Variants in GOLGA8H observed in about 807,000 individuals in gnomAD.
GOLGA8H encodes the protein golgin subfamily A member 8H.
A neutral mutation model predicts 82.7 loss-of-function variants in GOLGA8H; 47 were observed. That is an observed-to-expected ratio of 0.57 (90% CI 0.45 to 0.73). GOLGA8H has a LOEUF of 0.73. GOLGA8H is among the 30% of genes least tolerant of loss of function. The probability of loss-of-function intolerance (pLI) is 0.00; values close to 1 mark genes in which losing one functional copy is unlikely to be tolerated. For missense variants in GOLGA8H, 372 were observed against 661.0 expected (o/e 0.56, Z 4.79); for synonymous variants, 108 against 241.6 (o/e 0.45, Z 5.13).
intron 4 of GOLGA8H, chr15:30,607,767 A>G (rs1269248001): frequency 3.3e-6 from 2 of 599,320 alleles, no homozygotes; most frequent in East Asian, 5.7e-5. Flanking sequence ...CCTTTCTGAA[A>G]CTCCATCTCT....
chr15:30,607,705 T>G (rs1567483490), intron 4 of GOLGA8H: 6 of 581,952 alleles, frequency 1.0e-5, no homozygotes, highest in South Asian at 2.0e-5. Flanking sequence ...GCTCAGTAAA[T>G]GTTTATTGAA....
At chr15:30,606,411 G>C (rs938911629) in intron 2 of GOLGA8H, among the ~76,000 whole-genome samples, 14 of 150,430 alleles carry the variant, frequency 9.3e-5, no homozygotes, top group African/African-American at 2.5e-5. Flanking sequence ...TGCTCTGCTA[G>C]GGATATGATT....
At position 30,608,393 on chromosome 15, in the gene GOLGA8H, T is replaced by G. The variant is rs763812232; in HGVS notation, c.396+15T>G. ...GGGTGCTAGAGGTGAGTGGAGGGTG[T>G]GCAGTTTCCTCCTGTCCTCCGGAGA... On this transcript the variant is annotated intron_variant, in intron 6 of 18. Coordinates refer to ENST00000566740, the MANE Select transcript of GOLGA8H (RefSeq NM_001282490.2). 7.7e-6 allele frequency: 12 copies of G among 1,568,584 alleles called. No homozygotes were observed. In the South Asian group the frequency reaches 1.4e-4, roughly 18 times the overall value.
chr15:30,609,040 T>G (rs954512237), intron 8 of GOLGA8H, among the ~76,000 whole-genome samples: 5 of 133,674 alleles, frequency 3.7e-5, no homozygotes, highest in Admixed American at 2.9e-4. Flanking sequence ...AGGTGGGGTA[T>G]TGGGTACTTC....
Position 30,605,884 on chromosome 15 carries a change from A to G in GOLGA8H, c.90A>G (p.Ala30=). ...AGAAAAACAGCCCTAGAGTTCCAGC[A>G]GGAGCGAACAGGAACAGGAAAACAA... ...YWQKNSPRVP[A]GANRNRKTNG... The change falls in exon 2 of 19, where the codon GCA becomes GCG. Residue 30 remains alanine, a synonymous_variant. Transcript: ENST00000566740. 1 of 1,584,428 alleles carries G rather than the reference A, an allele frequency of 6.3e-7. No individual in the cohort carries two copies. Among genetic ancestry groups the G allele is most frequent in the Non-Finnish European group, 8.5e-7 (1 of 1,171,268 alleles).
rs1379078536 is a variant in GOLGA8H, at chr15:30,615,555, A to T, written c.*994A>T. Among the ~76,000 whole-genome samples, 8 of 147,264 alleles carry T rather than the reference A, an allele frequency of 5.4e-5. No individual in the cohort carries two copies. Among genetic ancestry groups the T allele is most frequent in the African/African-American group, 1.8e-4 (7 of 38,842 alleles). On this transcript the variant is annotated 3_prime_UTR_variant, in exon 19 of 19. Coordinates refer to ENST00000566740, the MANE Select transcript of GOLGA8H (RefSeq NM_001282490.2). ...AGGGCACTGGTTGGCATTCTTCTTAATGTATTTAGTGAAGATCATAAGAAA... is the reference window on the plus strand; with the variant it reads ...AGGGCACTGGTTGGCATTCTTCTTATTGTATTTAGTGAAGATCATAAGAAA...
At chr15:30,608,280 G>C in intron 5 of GOLGA8H, 51 bp from the exon 6 acceptor site, 2 of 1,560,766 alleles carry the variant, frequency 1.3e-6, no homozygotes, top group Admixed American at 3.7e-5. Flanking sequence ...GTCTCTTGCT[G>C]TGCCATCTCT....
At chr15:30,610,632 T>C in intron 11 of GOLGA8H, 134 bp from the exon 12 acceptor site, 1 of 1,452,692 alleles carries the variant, frequency 6.9e-7, no homozygotes, top group Non-Finnish European at 9.3e-7. Flanking sequence ...TTTGGAAGAC[T>C]GGCTACCATC....
In GOLGA8H at chr15:30,605,947, C is replaced by T. The variant is rs1156658004; in HGVS notation, c.153C>T (p.Cys51=). 2 of 1,596,396 alleles carry T rather than the reference C, an allele frequency of 1.3e-6. No individual in the cohort carries two copies. The highest frequency in any genetic ancestry group is 2.2e-5 in the South Asian group (2 of 90,322). ...CTGAGAAAGCCACTTCTGGTGGTTG[C>T]CAGCCACCTGGGGATGTGAGTCTTG... ...SVPEKATSGG[C]QPPGDSATGF... is the part of the protein sequence containing the mutation. Residue 51 remains cysteine, a synonymous_variant, in exon 2 of 19, where the codon TGC becomes TGT. Transcript: ENST00000566740.
chr15:30,617,546 ATGG>A lies in GOLGA8H; in HGVS notation c.*2989_*2991del. ...GAATACTGTAGTATAAAAGAAAGAA[ATGG>A]TGGGAACGAAAAGCAGAGAAAGAAA... On this transcript the variant is annotated 3_prime_UTR_variant, in exon 19 of 19. Coordinates refer to ENST00000566740, the MANE Select transcript of GOLGA8H (RefSeq NM_001282490.2). 1 of 151,274 alleles carries A rather than the reference ATGG, an allele frequency of 6.6e-6. No homozygotes were observed. The highest frequency in any genetic ancestry group is 1.5e-5 in the Non-Finnish European group (1 of 67,816). The allele number at this position is 151,274 out of a possible 1,614,324, so 9.4% of individuals were successfully genotyped here. A position where few individuals can be genotyped will look rare whatever the true frequency, so the allele number is the denominator to read the frequency against.
intron 8 of GOLGA8H, among the ~76,000 whole-genome samples, chr15:30,609,308 C>A (rs1595623268): frequency 7.9e-6 from 1 of 126,150 alleles, no homozygotes; most frequent in East Asian, 2.1e-4. Context: ...TAATTTTCCC[C>A]TTCCTATCTG....
chr15:30,612,175 G>T (rs1319931376), intron 13 of GOLGA8H: 1 of 99,022 alleles, frequency 1.0e-5, no homozygotes, highest in South Asian at 3.2e-4. Flanking sequence ...CTGGGCAGCT[G>T]ACAGAGCCCC....
rs1249108586 is a variant in GOLGA8H at position 30,608,050 on chromosome 15, G to A, written c.330G>A (p.Val110=). 2.5e-6 allele frequency: 4 copies of A among 1,587,266 alleles called. No homozygotes were observed. Among genetic ancestry groups the A allele is most frequent in the East Asian group, 4.5e-5 (2 of 44,656 alleles). The change falls in exon 5 of 19, where the codon GTG becomes GTA. Residue 110 remains valine (V), a synonymous_variant. Transcript: ENST00000566740. The part of the protein sequence containing the change: ...IKSLKQQKKQ[V]EHQLEEEKKA... ...CACAGAAACAACAGAAGAAACAAGT[G>A]GAACATCAGCTGGAAGAAGTAACGT...
rs148147214 is a variant in GOLGA8H at position 30,610,017 on chromosome 15, C to T, written c.697C>T (p.Gln233Ter). 1.2e-6 allele frequency: 2 copies of T among 1,611,562 alleles called. No individual in the cohort carries two copies. The highest frequency in any genetic ancestry group is 1.3e-5 in the African/African-American group (1 of 74,618). Residue 233 changes from glutamine to a stop codon, truncating the protein, a stop_gained, in exon 10 of 19, where the codon CAA becomes TAA. Coordinates refer to ENST00000566740, the MANE Select transcript of GOLGA8H (RefSeq NM_001282490.2). LOFTEE classifies it high-confidence loss of function. ...CTTGCAGTTGAAGGAGTCATTTCAA[C>T]AAGTCCAATTAGAAAGAGATGAGTG... The part of the protein sequence containing the change: ...QLTQLKESFQ[Q>*]VQLERDECAE...
intron 1 of GOLGA8H, among the ~76,000 whole-genome samples, chr15:30,605,501 A>G (rs1292014934): frequency 2.0e-5 from 3 of 149,060 alleles, no homozygotes; most frequent in South Asian, 2.1e-4. Flanking sequence ...GTGAGGATGT[A>G]TGACTCTAAA....
chr15:30,605,869 C>A lies in GOLGA8H; in HGVS notation c.75C>A (p.Ser25Arg), dbSNP rs753083162. The A allele has an allele frequency of 9.4e-5, 149 of 1,582,024 alleles. 2 individuals are homozygous for A. Among genetic ancestry groups the A allele is most frequent in the Admixed American group, 4.8e-4 (28 of 57,764 alleles). ...TAAAAGAATATTGGCAGAAAAACAGCCCTAGAGTTCCAGCAGGAGCGAACA... is the reference window on the plus strand; with the variant it reads ...TAAAAGAATATTGGCAGAAAAACAGACCTAGAGTTCCAGCAGGAGCGAACA... ...KKLKEYWQKN[S>R]PRVPAGANRN... Residue 25 changes from serine (S) to arginine (R), a missense_variant, in exon 2 of 19, where the codon AGC (serine) becomes AGA (arginine). Physicochemically the swap from Ser to Arg is moderately radical, Grantham distance 110 (BLOSUM62 -1). Coordinates refer to ENST00000566740, the MANE Select transcript of GOLGA8H (RefSeq NM_001282490.2).
Position 30,615,963 on chromosome 15 carries a change from C to CTGT in GOLGA8H, c.*1404_*1406dup, listed in dbSNP as rs761384516. Among the ~76,000 whole-genome samples, 459 of 151,556 alleles carry CTGT rather than the reference C, an allele frequency of 3.0e-3. 2 individuals are homozygous for CTGT. The highest frequency in any genetic ancestry group is 4.9e-3 in the Non-Finnish European group (333 of 67,836). ...TGTGTACAAACTGCAGTGCAATCTA[C>CTGT]TGTTCGTGAATGTCAATGTATTATC... On this transcript the variant is annotated 3_prime_UTR_variant, in exon 19 of 19. Coordinates refer to ENST00000566740, the MANE Select transcript of GOLGA8H (RefSeq NM_001282490.2).
chr15:30,613,296 C>A lies in GOLGA8H; in HGVS notation c.1368+101C>A. ...TTCCCTGCCTTCTGATTTCTCTGGA[C>A]CCTCACCCCTTCCGAGAGCCAGTGG... On this transcript the variant is annotated intron_variant, in intron 15 of 18. Transcript: ENST00000566740. The A allele has an allele frequency of 3.3e-6, 2 of 607,998 alleles. 1 individual carries two copies. The allele number at this position is 607,998 out of a possible 1,614,324, so 37.7% of individuals were successfully genotyped here.
rs745655639 is a variant in GOLGA8H, at chr15:30,608,653, C to A, written c.488C>A (p.Ser163Tyr). ...CTCAACTTTCTCATTACAGAAAAGT[C>A]CAAGGATCTGGCTGTCTGCCTGCAA... ...KRSLRYFEEKSKDLAVCLQHS... is the reference protein window; with the variant it reads ...KRSLRYFEEKYKDLAVCLQHS... Residue 163 changes from serine to tyrosine, a missense_variant, in exon 8 of 19, where the codon TCC becomes TAC. Ser to Tyr is a moderately radical substitution (Grantham distance 144). Coordinates refer to ENST00000566740, the MANE Select transcript of GOLGA8H (RefSeq NM_001282490.2). The A allele has an allele frequency of 1.6e-5, 26 of 1,588,052 alleles. 1 individual carries two copies. In the African/African-American group the frequency reaches 2.3e-4, roughly 14 times the overall value.
Sources: gnomAD v4.1 joint callset for allele counts (sites outside exome capture counted in the v4.1 genomes callset) on GRCh38, gnomAD v4.1.1 for gene constraint, MANE v1.5 for transcripts, NCBI Gene and HGNC (gene_info 2026-07-23, HGNC 2026-07-21) for gene names.